Variants in OCA2 observed in about 807,000 individuals in gnomAD.
OCA2 encodes OCA2 melanosomal transmembrane protein, also known as P protein.
Under a neutral mutation model 100.2 loss-of-function variants are expected in OCA2, and 77 were observed. The observed-to-expected ratio is 0.77, with a 90% confidence interval of 0.64 to 0.93. The LOEUF (loss-of-function observed/expected upper bound fraction) is 0.93, where lower values mean the gene tolerates loss of function less well. OCA2 is among the 40% of genes least tolerant of loss of function. OCA2 has a pLI of 0.00. For synonymous variants in OCA2, 432 were observed against 439.2 expected (o/e 0.98, Z 0.21); for missense variants, 1,062 against 1,089.1 (o/e 0.98, Z 0.35).
intron 23 of OCA2, among the ~76,000 whole-genome samples, chr15:27,800,532 A>G (rs1279092970): frequency 6.6e-6 from 1 of 152,226 alleles, no homozygotes; most frequent in Non-Finnish European, 1.5e-5. Flanking sequence ...ACAGATATTA[A>G]AAGGATAATA....
At chr15:28,072,678 T>C (rs2044302826) in intron 2 of OCA2, among the ~76,000 whole-genome samples, 1 of 148,760 alleles carries the variant, frequency 6.7e-6, no homozygotes, top group South Asian at 2.1e-4. Context: ...ATACAAGTGG[T>C]GAACAAACAT....
At position 27,957,480 on chromosome 15, in the gene OCA2, G is replaced by C; in HGVS notation, c.1784+108C>G. On this transcript the variant is annotated intron_variant, in intron 16 of 23. Transcript: ENST00000354638. The surrounding 1 kb of genome is among the most constrained non-coding windows in gnomAD (Gnocchi z 4.3). ...CTATAAGAGGCTTAGCACAGTGTGC[G>C]TCACCTAAATATCACGTATTAGTAT... 1 of 1,310,748 alleles carries C rather than the reference G, an allele frequency of 7.6e-7. No homozygotes were observed. The highest frequency in any genetic ancestry group is 1.1e-6 in the Non-Finnish European group (1 of 913,038). 81.2% of individuals were successfully genotyped at this position (1,310,748 alleles called of 1,614,324 possible).
chr15:27,947,813 C>T (rs948314264), intron 18 of OCA2, among the ~76,000 whole-genome samples: 5 of 151,532 alleles, frequency 3.3e-5, no homozygotes, highest in Middle Eastern at 3.4e-3. Flanking sequence ...AAGGCCAGCA[C>T]GCTGGGGCAG....
intron 2 of OCA2, among the ~76,000 whole-genome samples, chr15:28,072,589 C>CAAA (rs760224063): frequency 0.1 from 6,019 of 59,764 alleles, 215 homozygotes; most frequent in Non-Finnish European, 0.14. Context: ...GATTCCGTCT[C>CAAA]AAAAAAAAAA....
chr15:27,932,039 C>T (rs577246338), intron 18 of OCA2, among the ~76,000 whole-genome samples: 3 of 152,284 alleles, frequency 2.0e-5, no homozygotes, highest in African/African-American at 7.2e-5. Context: ...CCAAGGGCCT[C>T]GCCGTCCAGT....
At chr15:27,755,978 T>A (rs577029152) in intron 23 of OCA2, among the ~76,000 whole-genome samples, 1 of 152,256 alleles carries the variant, frequency 6.6e-6, no homozygotes, top group East Asian at 1.9e-4. Context: ...AAGAAGAAGT[T>A]TTTCTTCTGT....
chr15:27,839,625 A>G (rs1338395251), intron 23 of OCA2, among the ~76,000 whole-genome samples: 1 of 152,234 alleles, frequency 6.6e-6, no homozygotes, highest in East Asian at 1.9e-4. Context: ...ACAGTGATAA[A>G]TATGTATCCA....
At chr15:28,019,438 GACA>G (rs2042519134) in intron 6 of OCA2, among the ~76,000 whole-genome samples, 1 of 152,138 alleles carries the variant, frequency 6.6e-6, no homozygotes, top group African/African-American at 2.4e-5. Flanking sequence ...GCCTCCTTCA[GACA>G]ACAATTCAGG....
intron 23 of OCA2, among the ~76,000 whole-genome samples, chr15:27,812,816 T>C (rs997988857): frequency 6.6e-6 from 1 of 152,168 alleles, no homozygotes. Context: ...TCAGCTGCTA[T>C]TGTTTCATTG....
chr15:27,847,767 A>G (rs2035590764), intron 22 of OCA2, among the ~76,000 whole-genome samples: 1 of 152,212 alleles, frequency 6.6e-6, no homozygotes, highest in African/African-American at 2.4e-5. Flanking sequence ...ATCTGCCACC[A>G]TTTCTGTTAC....
At chr15:27,882,314 G>C (rs79317796) in intron 19 of OCA2, among the ~76,000 whole-genome samples, 2,371 of 152,136 alleles carry the variant, frequency 0.016, 56 homozygotes, top group African/African-American at 0.05. Context: ...CTAACTCTTT[G>C]CTCTGTCATA....
At chr15:27,849,635 A>T (rs2035674203) in intron 22 of OCA2, among the ~76,000 whole-genome samples, 1 of 152,116 alleles carries the variant, frequency 6.6e-6, no homozygotes, top group Non-Finnish European at 1.5e-5. Context: ...CTTCTATTTA[A>T]AGTGTTCCTC....
intron 6 of OCA2, among the ~76,000 whole-genome samples, chr15:28,020,958 G>A (rs1038693650): frequency 3.3e-5 from 5 of 152,164 alleles, no homozygotes; most frequent in African/African-American, 1.2e-4. Context: ...AAGATGTAGT[G>A]AGACTGCCAG....
intron 19 of OCA2, among the ~76,000 whole-genome samples, chr15:27,872,887 G>A (rs951463558): frequency 2.0e-5 from 3 of 151,936 alleles, no homozygotes; most frequent in South Asian, 4.2e-4. Flanking sequence ...ATGGGGCTTC[G>A]CCATGTTGGC....
intron 23 of OCA2, among the ~76,000 whole-genome samples, chr15:27,779,777 A>G (rs1162111788): frequency 6.6e-6 from 1 of 152,196 alleles, no homozygotes; most frequent in Non-Finnish European, 1.5e-5. Context: ...AATTACTGAT[A>G]GGGAAGGATT....
chr15:27,823,005 C>T (rs185089841), intron 23 of OCA2, among the ~76,000 whole-genome samples: 5 of 152,308 alleles, frequency 3.3e-5, no homozygotes, highest in South Asian at 2.1e-4. Flanking sequence ...TTTAGATCTA[C>T]GGTCCATATA....
chr15:27,813,105 G>C (rs926562155), intron 23 of OCA2, among the ~76,000 whole-genome samples: 2 of 152,144 alleles, frequency 1.3e-5, no homozygotes, highest in African/African-American at 4.8e-5. Flanking sequence ...TGCTTCTCTG[G>C]GCAGAGGAAC....
chr15:27,793,241 G>C (rs2033168407), intron 23 of OCA2, among the ~76,000 whole-genome samples: 1 of 152,150 alleles, frequency 6.6e-6, no homozygotes, highest in African/African-American at 2.4e-5. Flanking sequence ...AGCTCAGCTA[G>C]GTTTCAGAGC....
chr15:28,093,791 C>T (rs1327866234), intron 1 of OCA2, among the ~76,000 whole-genome samples: 1 of 152,140 alleles, frequency 6.6e-6, no homozygotes, highest in Non-Finnish European at 1.5e-5. Flanking sequence ...TACACAGCAA[C>T]GTAGAGGAAT....
Sources: gnomAD v4.1 joint callset for allele counts (sites outside exome capture counted in the v4.1 genomes callset) on GRCh38, gnomAD v4.1.1 for gene constraint, Gnocchi (gnomAD v3.1) non-coding constraint, MANE v1.5 for transcripts, NCBI Gene and HGNC (gene_info 2026-07-23, HGNC 2026-07-21) for gene names.